MAP2K2: variants seen among roughly 807,000 people sequenced by gnomAD.
MAP2K2 encodes dual specificity mitogen-activated protein kinase kinase 2.
A neutral mutation model predicts 43.7 loss-of-function variants in MAP2K2; 24 were observed. That is an observed-to-expected ratio of 0.55 (90% CI 0.40 to 0.77). The LOEUF (loss-of-function observed/expected upper bound fraction) is 0.77, where lower values mean the gene tolerates loss of function less well. Among genes scored for constraint, MAP2K2 ranks in the 30% least tolerant of loss-of-function variants. The pLI is 0.00. For synonymous variants in MAP2K2, 244 were observed against 239.7 expected (o/e 1.02, Z -0.17); for missense variants, 470 against 566.8 (o/e 0.83, Z 1.73).
intron 10 of MAP2K2, 77 bp downstream of exon 10, chr19:4,094,376 G>T: frequency 6.8e-7 from 1 of 1,480,110 alleles, no homozygotes; most frequent in Non-Finnish European, 9.2e-7. Flanking sequence ...GCAGGGCCAG[G>T]CCCAGCAGCC....
intron 2 of MAP2K2, among the ~76,000 whole-genome samples, chr19:4,112,190 G>A (rs1008099511): frequency 3.3e-5 from 5 of 152,248 alleles, no homozygotes; most frequent in South Asian, 2.1e-4. Flanking sequence ...CCAGGCCCAG[G>A]TGCAGTCAGT....
At chr19:4,110,343 A>G (rs2041137998) in intron 3 of MAP2K2, among the ~76,000 whole-genome samples, 166 bp downstream of exon 3, 1 of 152,128 alleles carries the variant, frequency 6.6e-6, no homozygotes, top group African/African-American at 2.4e-5. Context: ...AACCAAAGGC[A>G]TCTACATATA....
intron 3 of MAP2K2, among the ~76,000 whole-genome samples, chr19:4,105,782 T>C (rs1245882317): frequency 6.6e-6 from 1 of 152,070 alleles, no homozygotes; most frequent in Non-Finnish European, 1.5e-5. Context: ...CAGGCAGTCC[T>C]CCCACCTCAG....
intron 8 of MAP2K2, among the ~76,000 whole-genome samples, chr19:4,096,659 C>T (rs951891852): frequency 2.0e-5 from 3 of 152,202 alleles, no homozygotes; most frequent in African/African-American, 7.2e-5. Context: ...TTCCAAGAGG[C>T]AAGGGCCATT....
intron 4 of MAP2K2, among the ~76,000 whole-genome samples, 178 bp downstream of exon 4, chr19:4,102,198 A>C (rs2041021849): frequency 6.6e-6 from 1 of 152,178 alleles, no homozygotes; most frequent in African/African-American, 2.4e-5. Context: ...CTCAGGCCCC[A>C]AAAGGGACGT....
intron 1 of MAP2K2, among the ~76,000 whole-genome samples, chr19:4,122,241 CATAGGG>C (rs2041309699): frequency 1.5e-5 from 1 of 66,362 alleles, no homozygotes; most frequent in Admixed American, 1.2e-4. Context: ...ATCTCTCCCC[CATAGGG>C]ACCCTCCCAC....
At chr19:4,107,993 C>A (rs1173738701) in intron 3 of MAP2K2, among the ~76,000 whole-genome samples, 2 of 152,174 alleles carry the variant, frequency 1.3e-5, no homozygotes, top group African/African-American at 4.8e-5. Context: ...TCCTCAGCCC[C>A]GGTGCTAAGC....
In MAP2K2 at chr19:4,090,441, C is replaced by G; in HGVS notation, c.*157G>C. ...GCCAGGACGGGCAGGAGAGGAGACC[C>G]CCGTTCCTGCATGCGCTGTCGCCCC... On this transcript the variant is annotated 3_prime_UTR_variant, in exon 11 of 11. Coordinates refer to ENST00000262948, the MANE Select transcript of MAP2K2 (RefSeq NM_030662.4). The G allele has an allele frequency of 2.9e-6, 2 of 690,322 alleles. No homozygotes were observed. The highest frequency in any genetic ancestry group is 5.2e-6 in the Non-Finnish European group (2 of 386,472). 42.8% of individuals were successfully genotyped at this position (690,322 alleles called of 1,614,324 possible).
chr19:4,110,722 C>T (rs2145070721), intron 2 of MAP2K2, 67 bp from the exon 3 acceptor site: 1 of 1,557,448 alleles, frequency 6.4e-7, no homozygotes, highest in African/African-American at 1.3e-5. Context: ...CATTTGGGGC[C>T]TCTGCTCTGC....
In MAP2K2 at chr19:4,097,291, A is replaced by G. The variant is rs2040932833; in HGVS notation, c.972T>C (p.Tyr324=). 1 of 1,612,624 alleles carries G rather than the reference A, an allele frequency of 6.2e-7. No homozygotes were observed. The highest frequency in any genetic ancestry group is 1.3e-5 in the African/African-American group (1 of 74,986). ...ATCAAGCACAAACCTCGTTCACAAT[A>G]TAGTCCAGGAGTTCAAAGATGGCCA... ...PAMAIFELLD[Y]IVNEPPPKLP... Residue 324 remains tyrosine (Y), a synonymous_variant, in exon 8 of 11, where the codon TAT becomes TAC. Transcript: ENST00000262948.
Position 4,110,582 on chromosome 19 carries a change from T to C in MAP2K2, c.377A>G (p.Asn126Ser). 6.2e-7 allele frequency: 1 copy of C among 1,613,924 alleles called. No individual in the cohort carries two copies. Among genetic ancestry groups the C allele is most frequent in the Non-Finnish European group, 8.5e-7 (1 of 1,180,032 alleles). Residue 126 changes from asparagine to serine, a missense_variant, in exon 3 of 11, where the codon AAC (asparagine) becomes AGC (serine). Around this residue, in one of 3 missense-constraint regions of MAP2K2, gnomAD observed 200 missense variants for 297.9 expected, o/e 0.67. Coordinates refer to ENST00000262948, the MANE Select transcript of MAP2K2 (RefSeq NM_030662.4). ...GTAGAAGCCCACGATGTACGGCGAG[T>C]TGCATTCGTGCAGGACCTGCAGCTC... Reference protein sequence around the residue: ...IRELQVLHECNSPYIVGFYGA... With the variant: ...IRELQVLHECSSPYIVGFYGA...
At chr19:4,106,659 G>A (rs954958799) in intron 3 of MAP2K2, among the ~76,000 whole-genome samples, 5 of 152,114 alleles carry the variant, frequency 3.3e-5, no homozygotes, top group Non-Finnish European at 5.9e-5. Flanking sequence ...GCCTGCCTTG[G>A]CCTCCCAAAG....
At chr19:4,110,225 A>C (rs973144495) in intron 3 of MAP2K2, among the ~76,000 whole-genome samples, 1 of 152,126 alleles carries the variant, frequency 6.6e-6, no homozygotes, top group African/African-American at 2.4e-5. Flanking sequence ...TATCACTTGA[A>C]TCTGGGAGGT....
chr19:4,121,651 C>A (rs1158997677), intron 1 of MAP2K2, among the ~76,000 whole-genome samples: 1 of 102,452 alleles, frequency 9.8e-6, no homozygotes, highest in Non-Finnish European at 2.0e-5. Context: ...CCTGACCCCC[C>A]CCACAACATG....
intron 3 of MAP2K2, among the ~76,000 whole-genome samples, chr19:4,109,152 G>A (rs149919585): frequency 3.7e-4 from 56 of 152,326 alleles, no homozygotes; most frequent in East Asian, 3.5e-3. Flanking sequence ...GACGCTGTGC[G>A]GCAGGCGGTC....
rs1407142881 is a variant in MAP2K2, at chr19:4,115,994, C to A, written c.303+1425G>T. Among the ~76,000 whole-genome samples, 1 of 152,150 alleles carries A rather than the reference C, an allele frequency of 6.6e-6. No individual in the cohort carries two copies. Among genetic ancestry groups the A allele is most frequent in the East Asian group, 1.9e-4 (1 of 5,196 alleles). On this transcript the variant is annotated intron_variant, in intron 2 of 10. Transcript: ENST00000262948. The surrounding 1 kb of genome is among the most constrained non-coding windows in gnomAD (Gnocchi z 4.1). ...GAGGCTGCATCATGGCCCAGGAGCC[C>A]GGGATGACTAAGCACGGGGGCCGTC...
intron 3 of MAP2K2, among the ~76,000 whole-genome samples, chr19:4,109,000 G>A (rs935944190): frequency 2.6e-5 from 4 of 152,202 alleles, no homozygotes; most frequent in African/African-American, 9.7e-5. Context: ...CGGGAAAGGG[G>A]CTCCAAGGCG....
chr19:4,112,275 A>C (rs1408946190), intron 2 of MAP2K2, among the ~76,000 whole-genome samples: 10 of 152,348 alleles, frequency 6.6e-5, no homozygotes, highest in Admixed American at 6.5e-4. Flanking sequence ...GGAATGGGTA[A>C]GACCACCTCA....
chr19:4,123,510 A>T (rs1283358511), intron 1 of MAP2K2, among the ~76,000 whole-genome samples: 1 of 138,244 alleles, frequency 7.2e-6, no homozygotes, highest in East Asian at 2.1e-4. Context: ...TCACTGCTCA[A>T]AGACCCCCCT....
Sources: allele counts gnomAD v4.1 joint callset (sites outside exome capture counted in the v4.1 genomes callset), GRCh38; gene constraint gnomAD v4.1.1; regional missense constraint gnomAD v4.1.1; non-coding constraint Gnocchi (gnomAD v3.1); transcripts MANE v1.5; gene names NCBI Gene and HGNC (gene_info 2026-07-23, HGNC 2026-07-21).